KCNB2: variants seen among roughly 807,000 people sequenced by gnomAD.
KCNB2 encodes the protein potassium voltage-gated channel subfamily B member 2.
A neutral mutation model predicts 61.5 loss-of-function variants in KCNB2; 15 were observed. The ratio of observed to expected loss-of-function variants is 0.24; its 90% CI spans 0.16 to 0.38. The LOEUF is 0.38. Ranked by LOEUF, KCNB2 falls within the 10% of genes least tolerant of loss-of-function variation. KCNB2 has a pLI of 1.00. For missense variants in KCNB2, 828 were observed against 1,125.2 expected (o/e 0.74, Z 3.78); for synonymous variants, 457 against 446.0 (o/e 1.02, Z -0.31).
intron 2 of KCNB2, among the ~76,000 whole-genome samples, chr8:72,869,001 G>T (rs934146362): frequency 1.3e-5 from 2 of 152,150 alleles, no homozygotes; most frequent in African/African-American, 4.8e-5. Context: ...TAAATTGGGG[G>T]CAAGGTAGGG....
intron 2 of KCNB2, among the ~76,000 whole-genome samples, chr8:72,908,922 T>G (rs1173194353): frequency 6.6e-6 from 1 of 152,218 alleles, no homozygotes; most frequent in Non-Finnish European, 1.5e-5. Context: ...TTTTGACACA[T>G]GTGGCCATAC....
rs1187550622 is a variant in KCNB2 at position 72,859,707 on chromosome 8, G to GTTT, written c.580-76201_580-76199dup. ...GTAGCATGGATCAGTACTTCATTTC[G>GTTT]TTTTTTTTTTTTTTTTTTTTTTTTT... On this transcript the variant is annotated intron_variant, in intron 2 of 2. Transcript: ENST00000523207. 3.1e-4 allele frequency among the ~76,000 whole-genome samples: 13 copies of GTTT among 42,020 alleles called. 2 individuals are homozygous for GTTT. The highest frequency in any genetic ancestry group is 6.9e-4 in the African/African-American group (10 of 14,408). The allele number at this position is 42,020 out of a possible 152,430, so 27.6% of individuals were successfully genotyped here. A position where few individuals can be genotyped will look rare whatever the true frequency, so the allele number is the denominator to read the frequency against.
At chr8:72,725,510 CATAT>C (rs774224955) in intron 2 of KCNB2, among the ~76,000 whole-genome samples, 2,259 of 58,830 alleles carry the variant, frequency 0.038, 35 homozygotes, top group Middle Eastern at 0.069. Context: ...TCTTTGTCTT[CATAT>C]ATATATATAT....
At chr8:72,889,610 C>A (rs1188701113) in intron 2 of KCNB2, among the ~76,000 whole-genome samples, 2 of 151,988 alleles carry the variant, frequency 1.3e-5, no homozygotes, top group African/African-American at 4.8e-5. Context: ...TCACTTGAGC[C>A]TGGGAGGTGG....
At chr8:72,633,987 C>G (rs1297143018) in intron 2 of KCNB2, among the ~76,000 whole-genome samples, 1 of 151,788 alleles carries the variant, frequency 6.6e-6, no homozygotes, top group Non-Finnish European at 1.5e-5. Flanking sequence ...ACTGGAACAC[C>G]TTGCCACTCT....
chr8:72,657,462 T>G (rs1806309424), intron 2 of KCNB2, among the ~76,000 whole-genome samples: 1 of 152,168 alleles, frequency 6.6e-6, no homozygotes, highest in Admixed American at 6.5e-5. Flanking sequence ...AAGATTACTC[T>G]TGTAAAACTC....
intron 2 of KCNB2, among the ~76,000 whole-genome samples, chr8:72,867,381 G>C (rs1167255626): frequency 6.6e-6 from 1 of 152,110 alleles, no homozygotes; most frequent in Non-Finnish European, 1.5e-5. Context: ...GGGAGTGGTG[G>C]CTCACGCCTA....
At chr8:72,712,850 A>G (rs1291122768) in intron 2 of KCNB2, among the ~76,000 whole-genome samples, 1 of 152,174 alleles carries the variant, frequency 6.6e-6, no homozygotes, top group African/African-American at 2.4e-5. Context: ...GCATGAGCCA[A>G]AGCAGGGCGA....
intron 2 of KCNB2, among the ~76,000 whole-genome samples, chr8:72,665,530 A>G (rs1310352238): frequency 2.2e-5 from 3 of 135,568 alleles, no homozygotes; most frequent in East Asian, 3.6e-4. Flanking sequence ...AATCAACATT[A>G]TAAATAACAT....
chr8:72,746,735 G>A (rs1000191655), intron 2 of KCNB2, among the ~76,000 whole-genome samples: 2 of 152,146 alleles, frequency 1.3e-5, no homozygotes, highest in Non-Finnish European at 2.9e-5. Flanking sequence ...GGCCTGCACT[G>A]ACCTGAAGAA....
intron 2 of KCNB2, among the ~76,000 whole-genome samples, chr8:72,829,705 T>C (rs963040353): frequency 5.3e-5 from 8 of 152,148 alleles, no homozygotes; most frequent in African/African-American, 1.9e-4. Flanking sequence ...GCACTTTCTT[T>C]TTACCATGGT....
At chr8:72,849,867 A>G (rs1279863939) in intron 2 of KCNB2, among the ~76,000 whole-genome samples, 1 of 152,184 alleles carries the variant, frequency 6.6e-6, no homozygotes, top group Non-Finnish European at 1.5e-5. Flanking sequence ...AAAACCTAAC[A>G]TCTAACAATT....
rs1807778110 is a variant in KCNB2, at chr8:72,733,101, G to GA, written c.579+164789dup. Among the ~76,000 whole-genome samples, 35 of 152,260 alleles carry GA rather than the reference G, an allele frequency of 2.3e-4. No homozygotes were observed. In the South Asian group the frequency reaches 6.6e-3, roughly 29 times the overall value. On this transcript the variant is annotated intron_variant, in intron 2 of 2. Coordinates refer to ENST00000523207, the MANE Select transcript of KCNB2 (RefSeq NM_004770.3). ...GGTATGGAAGAAAGTAGAACAGAAG[G>GA]AGGGAAGGTCATACAAACGTGAAGG...
intron 2 of KCNB2, among the ~76,000 whole-genome samples, chr8:72,707,860 A>G (rs1807255347): frequency 6.6e-6 from 1 of 152,152 alleles, no homozygotes; most frequent in Non-Finnish European, 1.5e-5. Context: ...ACACATTCGC[A>G]TTAGGGTAAT....
rs114099660 is a variant in KCNB2, at chr8:72,869,711, G to A, written c.580-66224G>A. Among the ~76,000 whole-genome samples, 842 of 152,284 alleles carry A rather than the reference G, an allele frequency of 5.5e-3. 10 individuals are homozygous for A. Among genetic ancestry groups the A allele is most frequent in the African/African-American group, 0.019 (789 of 41,554 alleles). ...AAAGACAAGTGTTGGCAAGGATGTG[G>A]AGGAATTGTAATCCTTGTACACTAT... On this transcript the variant is annotated intron_variant, in intron 2 of 2. Transcript: ENST00000523207.
At chr8:72,543,321 A>G (rs1806216380) in intron 1 of KCNB2, among the ~76,000 whole-genome samples, 2 of 152,226 alleles carry the variant, frequency 1.3e-5, no homozygotes. Flanking sequence ...ATGTACTAAA[A>G]TAGATGCTTG....
intron 2 of KCNB2, among the ~76,000 whole-genome samples, chr8:72,728,195 G>C (rs1334682646): frequency 6.6e-6 from 1 of 152,076 alleles, no homozygotes; most frequent in Admixed American, 6.6e-5. Context: ...AGACATTTCT[G>C]CTCAGTTTTT....
chr8:72,698,851 A>G (rs1487329205), intron 2 of KCNB2, among the ~76,000 whole-genome samples: 1 of 152,172 alleles, frequency 6.6e-6, no homozygotes, highest in Admixed American at 6.6e-5. Context: ...TTCACCAGAT[A>G]AAAAAATTAA....
chr8:72,845,025 T>C (rs1251504215), intron 2 of KCNB2, among the ~76,000 whole-genome samples: 1 of 152,188 alleles, frequency 6.6e-6, no homozygotes, highest in African/African-American at 2.4e-5. Flanking sequence ...GGTGTTCTGT[T>C]TTTTGGGATT....
Sources: allele counts gnomAD v4.1 joint callset (sites outside exome capture counted in the v4.1 genomes callset), GRCh38; gene constraint gnomAD v4.1.1; transcripts MANE v1.5; gene names NCBI Gene and HGNC (gene_info 2026-07-23, HGNC 2026-07-21).